Variants in IL1RAPL1 observed in about 807,000 individuals in gnomAD.
IL1RAPL1 encodes interleukin-1 receptor accessory protein-like 1.
IL1RAPL1 carries 3 observed loss-of-function variants against 48.4 expected under a neutral mutation model. The observed-to-expected ratio is 0.06, with a 90% CI of 0.03 to 0.16. The LOEUF is 0.16. Ranked by LOEUF, IL1RAPL1 falls within the 10% of genes least tolerant of loss-of-function variation. IL1RAPL1 has a pLI of 1.00. For missense variants in IL1RAPL1, 349 were observed against 530.6 expected, an observed-to-expected ratio of 0.66 and a Z score of 3.36; for synonymous variants, 185 against 187.7, an observed-to-expected ratio of 0.99 and a Z score of 0.12.
intron 2 of IL1RAPL1, among the ~76,000 whole-genome samples, chrX:28,793,838 C>T (rs182135076): frequency 9.0e-6 from 1 of 110,947 alleles, no homozygotes; most frequent in Non-Finnish European, 1.9e-5. Context: ...GTTTTTCTCT[C>T]AAAAACATCC....
chrX:29,929,154 G>C (rs1463504114), intron 8 of IL1RAPL1, among the ~76,000 whole-genome samples: 3 of 111,220 alleles, frequency 2.7e-5, no homozygotes, highest in Non-Finnish European at 5.7e-5. Flanking sequence ...AGTACATTTA[G>C]GAAAGCACAC....
chrX:29,786,255 AC>A (rs932879118), intron 6 of IL1RAPL1, among the ~76,000 whole-genome samples: 3 of 111,722 alleles, frequency 2.7e-5, no homozygotes, highest in African/African-American at 9.8e-5. Flanking sequence ...CATACAGTAC[AC>A]AATGTCAAGT....
intron 1 of IL1RAPL1, among the ~76,000 whole-genome samples, chrX:28,626,447 C>G (rs1380918620): frequency 8.9e-6 from 1 of 111,842 alleles, no homozygotes; most frequent in African/African-American, 3.3e-5. Context: ...TAAAGCCTCC[C>G]TCTCCATCCC....
At position 28,779,628 on chromosome X, in the gene IL1RAPL1, GTGTGTGTATA is replaced by G. The variant is rs1326399464; in HGVS notation, c.-24-9690_-24-9681del. ...CAGAGTGATACTATTATGTGTGTGT[GTGTGTGTATA>G]TATATATATATATATATATATATAT... is the stretch of plus-strand genomic sequence containing the variant. On this transcript the variant is annotated intron_variant, in intron 1 of 10. Coordinates refer to ENST00000378993, the MANE Select transcript of IL1RAPL1 (RefSeq NM_014271.4). 3.7e-3 allele frequency among the ~76,000 whole-genome samples: 208 copies of G among 56,094 alleles called. 1 individual carries two copies. The highest frequency in any genetic ancestry group is 0.014 in the African/African-American group (189 of 13,702). 48.7% of individuals were successfully genotyped at this position (56,094 alleles called of 115,157 possible). A position where few individuals can be genotyped will look rare whatever the true frequency, so the allele number is the denominator to read the frequency against.
intron 2 of IL1RAPL1, among the ~76,000 whole-genome samples, chrX:29,245,788 C>T (rs191149593): frequency 6.3e-5 from 7 of 111,189 alleles, no homozygotes; most frequent in East Asian, 2.8e-4. Flanking sequence ...AATTAGCTCC[C>T]GTTTGCCACT....
At chrX:29,477,062 A>G (rs1047263078) in intron 5 of IL1RAPL1, among the ~76,000 whole-genome samples, 3 of 107,553 alleles carry the variant, frequency 2.8e-5, no homozygotes, top group African/African-American at 1.0e-4. Flanking sequence ...TTGTATTTTT[A>G]GTAGAGACGG....
chrX:29,422,150 G>A (rs770771121), intron 5 of IL1RAPL1, among the ~76,000 whole-genome samples: 25 of 111,407 alleles, frequency 2.2e-4, no homozygotes, highest in African/African-American at 8.2e-4. Flanking sequence ...CCATCTGGGA[G>A]CAGAGATTAA....
chrX:29,554,385 C>T (rs750290465), intron 5 of IL1RAPL1, among the ~76,000 whole-genome samples: 2 of 111,613 alleles, frequency 1.8e-5, no homozygotes, highest in Admixed American at 1.9e-4. Flanking sequence ...TTAAATTCTT[C>T]ATGGAATATC....
chrX:29,805,418 C>T (rs749693060), intron 6 of IL1RAPL1, among the ~76,000 whole-genome samples: 1 of 109,096 alleles, frequency 9.2e-6, no homozygotes, highest in African/African-American at 3.4e-5. Flanking sequence ...CACACATGCA[C>T]GCACACACAC....
intron 6 of IL1RAPL1, among the ~76,000 whole-genome samples, chrX:29,744,138 A>T (rs145927761): frequency 1.6e-3 from 180 of 112,087 alleles, no homozygotes; most frequent in Admixed American, 0.016. Flanking sequence ...CATAACCTTC[A>T]CTAATTAGAA....
chrX:29,604,784 G>C (rs1208804457), intron 5 of IL1RAPL1, among the ~76,000 whole-genome samples: 1 of 111,137 alleles, frequency 9.0e-6, no homozygotes, highest in East Asian at 2.8e-4. Context: ...TAACCCTAAA[G>C]TAAGAAGACT....
chrX:29,209,422 A>G (rs1298173003), intron 2 of IL1RAPL1, among the ~76,000 whole-genome samples: 2 of 112,199 alleles, frequency 1.8e-5, no homozygotes, highest in Non-Finnish European at 3.8e-5. Context: ...ATTATTTGTT[A>G]GGATCCTTCC....
chrX:29,191,674 GTTAAC>G (rs754195070), intron 2 of IL1RAPL1, among the ~76,000 whole-genome samples: 1 of 111,826 alleles, frequency 8.9e-6, no homozygotes, highest in Non-Finnish European at 1.9e-5. Context: ...GCAGCAGAGT[GTTAAC>G]TTAACTGGCA....
At chrX:29,587,224 A>C (rs1433415784) in intron 5 of IL1RAPL1, among the ~76,000 whole-genome samples, 1 of 111,134 alleles carries the variant, frequency 9.0e-6, no homozygotes, top group Admixed American at 9.7e-5. Flanking sequence ...AACTAACAGA[A>C]TAAAAAGAAT....
intron 1 of IL1RAPL1, among the ~76,000 whole-genome samples, chrX:28,745,639 A>G (rs1221612988): frequency 8.9e-6 from 1 of 111,814 alleles, no homozygotes; most frequent in Non-Finnish European, 1.9e-5. Context: ...GTGTAGGAGC[A>G]TGGGACTGAA....
chrX:29,717,536 A>G (rs1430125922), intron 6 of IL1RAPL1, among the ~76,000 whole-genome samples: 1 of 112,548 alleles, frequency 8.9e-6, no homozygotes. Context: ...CCACCAAATC[A>G]TTATAGAAAA....
chrX:28,911,664 C>T (rs1013165762), intron 2 of IL1RAPL1, among the ~76,000 whole-genome samples: 1 of 111,104 alleles, frequency 9.0e-6, no homozygotes, highest in Admixed American at 9.6e-5. Context: ...AAAGAAAGTT[C>T]TTATTGTCAT....
intron 6 of IL1RAPL1, among the ~76,000 whole-genome samples, chrX:29,909,191 A>C (rs1932711294): frequency 9.0e-6 from 1 of 111,513 alleles, no homozygotes; most frequent in South Asian, 3.8e-4. Context: ...CCTGGGCAAC[A>C]TAGGGAGACC....
intron 3 of IL1RAPL1, among the ~76,000 whole-genome samples, chrX:29,372,447 G>A (rs1223098896): frequency 8.1e-5 from 9 of 111,599 alleles, no homozygotes; most frequent in Non-Finnish European, 1.7e-4. Flanking sequence ...TTTTGGTTTC[G>A]TTGCAATTGC....
Sources: allele counts gnomAD v4.1 joint callset (sites outside exome capture counted in the v4.1 genomes callset), GRCh38; gene constraint gnomAD v4.1.1; transcripts MANE v1.5; gene names NCBI Gene and HGNC (gene_info 2026-07-23, HGNC 2026-07-21).